Variants in GALK2 observed in about 807,000 individuals in gnomAD.
GALK2 encodes the protein galactokinase 2.
Under a neutral mutation model 52.4 loss-of-function variants are expected in GALK2, and 36 were observed. The ratio of observed to expected loss-of-function variants is 0.69; its 90% CI spans 0.53 to 0.91. The LOEUF (loss-of-function observed/expected upper bound fraction) is 0.91. GALK2 is among the 40% of genes least tolerant of loss of function. The pLI is 0.00. For synonymous variants in GALK2, 176 were observed against 199.1 expected (o/e 0.88, Z 0.98); for missense variants, 579 against 559.1 (o/e 1.04, Z -0.36).
chr15:49,365,810 G>T, intron 3 of GALK2: 1 of 872,734 alleles, frequency 1.1e-6, no homozygotes, highest in Non-Finnish European at 2.0e-6. Context: ...AGTCCAGAGA[G>T]AAACATAAGT....
intron 2 of GALK2, among the ~76,000 whole-genome samples, chr15:49,203,197 C>T (rs927825745): frequency 1.3e-5 from 2 of 152,010 alleles, no homozygotes; most frequent in African/African-American, 2.4e-5. Context: ...ACTACAGGCA[C>T]GTGCCACCAT....
At chr15:49,295,309 TTC>T (rs58542204) in intron 8 of GALK2, among the ~76,000 whole-genome samples, 79 of 145,380 alleles carry the variant, frequency 5.4e-4, no homozygotes, top group South Asian at 6.7e-4. Context: ...ACAAGCTCAT[TTC>T]TCTCTCTCTC....
downstream of GALK2, among the ~76,000 whole-genome samples, chr15:49,334,671 G>A (rs1297042638): frequency 2.6e-5 from 4 of 152,162 alleles, no homozygotes; most frequent in African/African-American, 9.7e-5. Context: ...GAAAGCAGGG[G>A]CGCAGGCTTT....
chr15:49,313,253 A>T (rs1431916966), intron 8 of GALK2, among the ~76,000 whole-genome samples: 1 of 152,210 alleles, frequency 6.6e-6, no homozygotes, highest in Non-Finnish European at 1.5e-5. Context: ...CAATATAAAG[A>T]CATTTGAGTC....
intron 2 of GALK2, among the ~76,000 whole-genome samples, chr15:49,204,385 C>T (rs1365984036): frequency 6.0e-5 from 9 of 150,784 alleles, no homozygotes; most frequent in South Asian, 2.1e-4. Flanking sequence ...TGAAGAATGT[C>T]ATTGGTATCA....
At chr15:49,258,794 A>ATATG (rs1555416748) in intron 5 of GALK2, among the ~76,000 whole-genome samples, 1 of 103,736 alleles carries the variant, frequency 9.6e-6, no homozygotes, top group Non-Finnish European at 2.0e-5. Context: ...ATATATATAT[A>ATATG]TGTGTGTGTG....
intron 8 of GALK2, chr15:49,318,170 A>G (rs1017189762): frequency 1.6e-4 from 24 of 152,360 alleles, no homozygotes; most frequent in African/African-American, 5.5e-4. Context: ...CAGCTCAGCA[A>G]CTGTTCAGCA....
upstream of GALK2, among the ~76,000 whole-genome samples, chr15:49,166,925 G>A (rs1432713327): frequency 6.6e-6 from 1 of 152,182 alleles, no homozygotes; most frequent in Non-Finnish European, 1.5e-5. Context: ...CATTATTTCA[G>A]ATAAATGGTC....
At chr15:49,312,857 A>G (rs1468355936) in intron 8 of GALK2, among the ~76,000 whole-genome samples, 3 of 152,194 alleles carry the variant, frequency 2.0e-5, no homozygotes, top group Admixed American at 6.5e-5. Flanking sequence ...TTATAATTCA[A>G]TACATTGTTT....
chr15:49,269,210 T>C (rs2029968367), intron 5 of GALK2, among the ~76,000 whole-genome samples: 1 of 152,204 alleles, frequency 6.6e-6, no homozygotes, highest in African/African-American at 2.4e-5. Context: ...CTTTTGGTTC[T>C]CCCATGGTGT....
intron 8 of GALK2, among the ~76,000 whole-genome samples, chr15:49,294,752 GT>G (rs1193998697): frequency 1.3e-5 from 2 of 152,108 alleles, no homozygotes; most frequent in Non-Finnish European, 2.9e-5. Flanking sequence ...TATAATAAAG[GT>G]ATTTATCAAG....
intron 1 of GALK2, among the ~76,000 whole-genome samples, chr15:49,162,411 T>A (rs1432473582): frequency 2.0e-5 from 3 of 152,232 alleles, no homozygotes; most frequent in Non-Finnish European, 2.9e-5. Context: ...TAAGTTTTTT[T>A]CAGTTTGTGG....
At chr15:49,332,061 C>G (rs1730497389), downstream of GALK2, among the ~76,000 whole-genome samples, 1 of 149,962 alleles carries the variant, frequency 6.7e-6, no homozygotes, top group Non-Finnish European at 1.5e-5. Context: ...GTTCAGACAC[C>G]CACCCCCGCT....
At chr15:49,238,158 T>C (rs2090926106) in intron 4 of GALK2, among the ~76,000 whole-genome samples, 1 of 152,216 alleles carries the variant, frequency 6.6e-6, no homozygotes, top group Non-Finnish European at 1.5e-5. Context: ...CATAATTAGG[T>C]AATAGTATTT....
chr15:49,185,746 C>T (rs2086293333), intron 1 of GALK2: 1 of 152,110 alleles, frequency 6.6e-6, no homozygotes, highest in Non-Finnish European at 1.5e-5. Flanking sequence ...TATTAACAAC[C>T]TTTTCTCTCA....
At chr15:49,232,923 T>A (rs983490743) in intron 3 of GALK2, among the ~76,000 whole-genome samples, 4 of 152,238 alleles carry the variant, frequency 2.6e-5, no homozygotes, top group African/African-American at 9.6e-5. Flanking sequence ...TCTAGGAAGT[T>A]ACAAATTTTC....
rs1367323749 is a variant in GALK2, at chr15:49,178,286, C to A, written c.53+7911C>A. On this transcript the variant is annotated intron_variant, in intron 1 of 9. Transcript: ENST00000560031. Reference sequence around the variant, plus strand: ...AATAAAAATATATGTACATGTATATCATATATACATGTACATATATGTATG... The same window carrying A: ...AATAAAAATATATGTACATGTATATAATATATACATGTACATATATGTATG... 5.9e-5 allele frequency: 7 copies of A among 117,846 alleles called. No homozygotes were observed. In the East Asian group the frequency reaches 8.2e-4, roughly 14 times the overall value. 7.3% of individuals were successfully genotyped at this position (117,846 alleles called of 1,614,324 possible).
intron 9 of GALK2, among the ~76,000 whole-genome samples, chr15:49,325,077 TAGTA>T (rs1283203060): frequency 7.2e-5 from 11 of 152,194 alleles, no homozygotes; most frequent in Non-Finnish European, 7.3e-5. Context: ...TCTTGCAACT[TAGTA>T]AGTGCTTTAT....
At chr15:49,191,807 G>A (rs1209510639) in intron 1 of GALK2, among the ~76,000 whole-genome samples, 1 of 151,858 alleles carries the variant, frequency 6.6e-6, no homozygotes, top group Non-Finnish European at 1.5e-5. Context: ...ATCCATTGTT[G>A]ATTCTTGCCT....
Sources: allele counts gnomAD v4.1 joint callset (sites outside exome capture counted in the v4.1 genomes callset), GRCh38; gene constraint gnomAD v4.1.1; transcripts MANE v1.5; gene names NCBI Gene and HGNC (gene_info 2026-07-23, HGNC 2026-07-21).